BRINP1: variants seen among roughly 807,000 people sequenced by gnomAD.
BRINP1 encodes the protein BMP/retinoic acid-inducible neural-specific protein 1.
In BRINP1, 17 loss-of-function variants were observed where a neutral mutation model predicts 72.9. That is an observed-to-expected ratio of 0.23 (90% CI 0.16 to 0.35). BRINP1 has a LOEUF of 0.35. Ranked by LOEUF, BRINP1 falls within the 10% of genes least tolerant of loss-of-function variation. The pLI is 1.00. For missense variants in BRINP1, 850 were observed against 1,001.6 expected, an observed-to-expected ratio of 0.85 and a Z score of 2.04; for synonymous variants, 418 against 378.5, an observed-to-expected ratio of 1.10 and a Z score of -1.21.
chr9:119,336,199 G>C (rs1236880809), intron 1 of BRINP1, among the ~76,000 whole-genome samples: 2 of 152,146 alleles, frequency 1.3e-5, no homozygotes, highest in African/African-American at 4.8e-5. Context: ...ATGAAATGCA[G>C]CTGCTTTATT....
At chr9:119,293,120 A>G (rs942912621) in intron 2 of BRINP1, among the ~76,000 whole-genome samples, 1 of 152,182 alleles carries the variant, frequency 6.6e-6, no homozygotes, top group African/African-American at 2.4e-5. Flanking sequence ...TTCTTATGAA[A>G]GCCCACATTG....
intron 1 of BRINP1, among the ~76,000 whole-genome samples, chr9:119,316,491 C>T (rs578161942): frequency 1.3e-5 from 2 of 152,290 alleles, no homozygotes; most frequent in South Asian, 4.2e-4. Context: ...CTTCAAAGGA[C>T]AGACTGTCTC....
intron 5 of BRINP1, among the ~76,000 whole-genome samples, chr9:119,230,941 G>A (rs1374974664): frequency 1.3e-5 from 2 of 151,834 alleles, no homozygotes; most frequent in Non-Finnish European, 2.9e-5. Flanking sequence ...TATCCTCCTT[G>A]CATTCATCCT....
At chr9:119,282,880 T>C (rs1350501210) in intron 2 of BRINP1, 2 of 985,310 alleles carry the variant, frequency 2.0e-6, no homozygotes, top group African/African-American at 3.5e-5. Context: ...GTTGCGCTTT[T>C]CCCTGTGTAC....
At chr9:119,175,814 A>G (rs1829482088) in intron 7 of BRINP1, among the ~76,000 whole-genome samples, 3 of 152,072 alleles carry the variant, frequency 2.0e-5, no homozygotes, top group Admixed American at 2.0e-4. Context: ...TGCTACCAAT[A>G]AACTCTTGTG....
chr9:119,208,458 C>G (rs1273760831), intron 7 of BRINP1, among the ~76,000 whole-genome samples: 1 of 152,110 alleles, frequency 6.6e-6, no homozygotes, highest in Non-Finnish European at 1.5e-5. Flanking sequence ...CTAGTGTTCC[C>G]CTCCTCAATC....
At chr9:119,241,235 T>C (rs992041571) in intron 4 of BRINP1, among the ~76,000 whole-genome samples, 2 of 152,226 alleles carry the variant, frequency 1.3e-5, no homozygotes, top group Non-Finnish European at 2.9e-5. Flanking sequence ...GTGGCTACTA[T>C]CTCGGCTAGC....
chr9:119,323,567 C>T (rs1483680039), intron 1 of BRINP1, among the ~76,000 whole-genome samples: 1 of 152,154 alleles, frequency 6.6e-6, no homozygotes, highest in Non-Finnish European at 1.5e-5. Context: ...TTTCCTACAT[C>T]AAAGGAATCA....
chr9:119,295,312 C>T (rs1483288017), intron 2 of BRINP1, among the ~76,000 whole-genome samples: 1 of 152,026 alleles, frequency 6.6e-6, no homozygotes, highest in Admixed American at 6.6e-5. Context: ...TGAAAGTGGA[C>T]AGGAATACAT....
intron 2 of BRINP1, among the ~76,000 whole-genome samples, chr9:119,289,447 G>A (rs1412521462): frequency 6.6e-6 from 1 of 152,158 alleles, no homozygotes; most frequent in Non-Finnish European, 1.5e-5. Flanking sequence ...TCCGTGAAAG[G>A]AGGAGGCCTG....
intron 2 of BRINP1, among the ~76,000 whole-genome samples, chr9:119,264,368 A>C (rs1830527529): frequency 6.6e-6 from 1 of 152,188 alleles, no homozygotes. Flanking sequence ...CAACCTTACA[A>C]TTCTTCTTAA....
intron 3 of BRINP1, 88 bp downstream of exon 3, chr9:119,248,872 A>C: frequency 1.7e-6 from 2 of 1,155,110 alleles, no homozygotes; most frequent in Non-Finnish European, 2.5e-6. Context: ...GAAGCTAAGA[A>C]GGCTTTGCTG....
intron 5 of BRINP1, among the ~76,000 whole-genome samples, chr9:119,215,361 C>T (rs1829967250): frequency 6.6e-6 from 1 of 152,130 alleles, no homozygotes; most frequent in Non-Finnish European, 1.5e-5. Context: ...TCTGTGGTGC[C>T]CAGAGAGAAG....
At chr9:119,356,368 C>G (rs761994326) in intron 1 of BRINP1, among the ~76,000 whole-genome samples, 7 of 152,204 alleles carry the variant, frequency 4.6e-5, no homozygotes, top group Non-Finnish European at 1.0e-4. Flanking sequence ...CTCCAATACA[C>G]TATATGTTTA....
chr9:119,257,190 T>C (rs1482971912), intron 2 of BRINP1, among the ~76,000 whole-genome samples: 3 of 152,200 alleles, frequency 2.0e-5, no homozygotes, highest in African/African-American at 7.2e-5. Context: ...ATTTGAGAAA[T>C]AGATTCCCTC....
chr9:119,166,993 A>G lies in BRINP1; in HGVS notation c.*91T>C, dbSNP rs1161888852. 7.3e-7 allele frequency: 1 copy of G among 1,372,900 alleles called. No individual in the cohort carries two copies. The highest frequency in any genetic ancestry group is 2.4e-5 in the Admixed American group (1 of 42,362). 85.0% of individuals were successfully genotyped at this position (1,372,900 alleles called of 1,614,324 possible). A position where few individuals can be genotyped will look rare whatever the true frequency, so the allele number is the denominator to read the frequency against. On this transcript the variant is annotated 3_prime_UTR_variant, in exon 8 of 8. Coordinates refer to ENST00000265922, the MANE Select transcript of BRINP1 (RefSeq NM_014618.3). Reference sequence around the variant, plus strand: ...TTTGAATATTAATTACATTTTACAAATTTTTGTGGGTTTTTTTGTTTTGTT... The same window carrying G: ...TTTGAATATTAATTACATTTTACAAGTTTTTGTGGGTTTTTTTGTTTTGTT...
At chr9:119,236,587 T>G (rs2118905362) in intron 5 of BRINP1, among the ~76,000 whole-genome samples, 1 of 152,258 alleles carries the variant, frequency 6.6e-6, no homozygotes, top group African/African-American at 2.4e-5. Context: ...ACTCACAATC[T>G]TTCCACCCTC....
chr9:119,368,586 G>A lies in BRINP1; in HGVS notation c.-51+470C>T, dbSNP rs543416634. 6.6e-6 allele frequency among the ~76,000 whole-genome samples: 1 copy of A among 152,122 alleles called. No homozygotes were observed. The highest frequency in any genetic ancestry group is 1.9e-4 in the East Asian group (1 of 5,160). On this transcript the variant is annotated intron_variant, in intron 1 of 7. Transcript: ENST00000265922. This position sits in a 1 kb window ranked among gnomAD's most constrained non-coding sequence, Gnocchi z 4.7. ...TAAGGGTCCCATTCCGTGTAAGCTGGAGAGACCTAATTAAAAAGACACACG... is the reference window on the plus strand; with the variant it reads ...TAAGGGTCCCATTCCGTGTAAGCTGAAGAGACCTAATTAAAAAGACACACG...
At chr9:119,302,495 C>T (rs1437480539) in intron 2 of BRINP1, among the ~76,000 whole-genome samples, 3 of 150,830 alleles carry the variant, frequency 2.0e-5, no homozygotes, top group Non-Finnish European at 4.4e-5. Flanking sequence ...TTTGGGGGGG[C>T]CTATGGGAAT....
Sources: allele counts gnomAD v4.1 joint callset (sites outside exome capture counted in the v4.1 genomes callset), GRCh38; gene constraint gnomAD v4.1.1; non-coding constraint Gnocchi (gnomAD v3.1); transcripts MANE v1.5; gene names NCBI Gene and HGNC (gene_info 2026-07-23, HGNC 2026-07-21).